MTCL1: variants seen among roughly 807,000 people sequenced by gnomAD.
MTCL1 encodes microtubule crosslinking factor 1, also known as microtubule cross-linking factor 1.
MTCL1 carries 79 observed loss-of-function variants against 141.4 expected under a neutral mutation model. The ratio of observed to expected loss-of-function variants is 0.56; its 90% confidence interval spans 0.47 to 0.67. The LOEUF is 0.67. Ranked by LOEUF, MTCL1 falls within the 30% of genes least tolerant of loss-of-function variation. MTCL1 has a pLI of 0.00. For synonymous variants in MTCL1, 914 were observed against 875.8 expected (o/e 1.04, Z -0.77); for missense variants, 2,177 against 2,113.9 (o/e 1.03, Z -0.59).
At position 8,826,224 on chromosome 18, in the gene MTCL1, C is replaced by T. The variant is rs1429454775; in HGVS notation, c.4714C>T (p.Pro1572Ser). Residue 1572 changes from proline (P) to serine (S), a missense_variant, in exon 15 of 17, where the codon CCC (proline) becomes TCC (serine). Coordinates refer to ENST00000359865, the Ensembl canonical transcript of MTCL1. ...GCTGGGGGACACAGCCGAGCCAGGG[C>T]CCATGGAGGTAATGAATGCTGAGTG... 2 of 1,594,860 alleles carry T rather than the reference C, an allele frequency of 1.3e-6. No homozygotes were observed. Among genetic ancestry groups the T allele is most frequent in the Admixed American group, 3.4e-5 (2 of 58,136 alleles).
At chr18:8,797,831 A>G (rs2075978926) in intron 9 of MTCL1, among the ~76,000 whole-genome samples, 1 of 152,248 alleles carries the variant, frequency 6.6e-6, no homozygotes, top group African/African-American at 2.4e-5. Context: ...ATAAAACCAT[A>G]GCTATTAGCA....
intron 12 of MTCL1, 39 bp from the exon 12 acceptor site, chr18:8,818,924 A>G: frequency 6.3e-7 from 1 of 1,577,582 alleles, no homozygotes; most frequent in Non-Finnish European, 8.6e-7. Context: ...ATCAGACAGA[A>G]AAGTGAGGCT....
chr18:8,738,359 A>G (rs896557470), intron 4 of MTCL1, among the ~76,000 whole-genome samples: 3 of 152,098 alleles, frequency 2.0e-5, no homozygotes, highest in African/African-American at 7.2e-5. Flanking sequence ...GTGGTGGGAA[A>G]CTCATGAGTA....
At chr18:8,829,236 C>T in intron 16 of MTCL1, 3 of 985,402 alleles carry the variant, frequency 3.0e-6, no homozygotes, top group African/African-American at 1.7e-5. Flanking sequence ...ACATTTGCAG[C>T]CAATATGCTT....
rs534313426 is a variant in MTCL1 at position 8,810,634 on chromosome 18, T to C, written c.2605-2345T>C. 6.6e-6 allele frequency among the ~76,000 whole-genome samples: 1 copy of C among 152,306 alleles called. No individual in the cohort carries two copies. The highest frequency in any genetic ancestry group is 2.1e-4 in the South Asian group (1 of 4,810). ...GGGCTCAGCAGCCTGTCTTTCATTC[T>C]GGGTTACGTGGACTTCCAGCAGCTC... is the stretch of plus-strand genomic sequence containing the variant. On this transcript the variant is annotated intron_variant, in intron 11 of 16. Coordinates refer to ENST00000359865, the Ensembl canonical transcript of MTCL1. The surrounding 1 kb of genome is among the most constrained non-coding windows in gnomAD (Gnocchi z 5.0).
intron 4 of MTCL1, among the ~76,000 whole-genome samples, chr18:8,737,603 C>G (rs977945219): frequency 8.5e-5 from 13 of 152,190 alleles, no homozygotes; most frequent in African/African-American, 2.7e-4. Flanking sequence ...CGAGGGCAGC[C>G]AGGCATCTGG....
intron 4 of MTCL1, among the ~76,000 whole-genome samples, chr18:8,726,532 TGCGCATGCGCGCGC>T (rs2096215749): frequency 1.3e-5 from 1 of 74,808 alleles, no homozygotes; most frequent in Non-Finnish European, 2.8e-5. Context: ...AGAGAGCGAG[TGCGCATGCGCGCGC>T]GCAACAAGCA....
intron 4 of MTCL1, among the ~76,000 whole-genome samples, chr18:8,745,359 T>TA (rs1283755195): frequency 6.6e-6 from 1 of 152,198 alleles, no homozygotes; most frequent in Non-Finnish European, 1.5e-5. Flanking sequence ...TAGTTTTCCT[T>TA]ATTTTTGAAT....
At chr18:8,831,054 G>A in intron 16 of MTCL1, 1 of 985,626 alleles carries the variant, frequency 1.0e-6, no homozygotes, top group Non-Finnish European at 1.2e-6. Flanking sequence ...GCCATGTTGT[G>A]GGAGTTTGTT....
chr18:8,784,140 T>G, exon 6 of MTCL1: 1 of 1,613,708 alleles, frequency 6.2e-7, no homozygotes, highest in South Asian at 1.1e-5. Context: ...TCAGCCAGGC[T>G]GCAGATCAGC....
At chr18:8,781,908 G>C (rs764270162) in intron 5 of MTCL1, among the ~76,000 whole-genome samples, 2 of 152,196 alleles carry the variant, frequency 1.3e-5, no homozygotes, top group African/African-American at 2.4e-5. Flanking sequence ...CGCACAGATA[G>C]CGCCAGGGCA....
At chr18:8,726,262 G>T (rs1276220365) in intron 4 of MTCL1, among the ~76,000 whole-genome samples, 1 of 144,316 alleles carries the variant, frequency 6.9e-6, no homozygotes, top group East Asian at 2.0e-4. Flanking sequence ...GTATTGGCTT[G>T]GGATAGCTTT....
intron 12 of MTCL1, among the ~76,000 whole-genome samples, chr18:8,817,232 G>A: frequency 7.0e-6 from 1 of 143,252 alleles, no homozygotes; most frequent in African/African-American, 2.6e-5. Context: ...TGCATTAAAT[G>A]AACATATAAA....
At chr18:8,741,275 C>T (rs1214086178) in intron 4 of MTCL1, among the ~76,000 whole-genome samples, 2 of 152,198 alleles carry the variant, frequency 1.3e-5, no homozygotes, top group Admixed American at 6.5e-5. Context: ...TGTCTGGCTG[C>T]CTGGCTGTCC....
intron 4 of MTCL1, among the ~76,000 whole-genome samples, chr18:8,726,286 C>CTTTTTTTTT (rs77665680): frequency 1.8e-4 from 18 of 102,258 alleles, no homozygotes; most frequent in South Asian, 3.4e-4. Flanking sequence ...TTCTTTTTTT[C>CTTTTTTTTT]TTTTTTTTTT....
chr18:8,802,166 G>A (rs937772560), intron 10 of MTCL1: 3 of 152,230 alleles, frequency 2.0e-5, no homozygotes, highest in African/African-American at 7.2e-5. Flanking sequence ...TGGTGGAGGA[G>A]TTGCCTGTGT....
At chr18:8,825,243 C>T (rs1355606220) in exon 15 of MTCL1, 8 of 1,595,712 alleles carry the variant, frequency 5.0e-6, no homozygotes, top group East Asian at 2.2e-5. Flanking sequence ...CTCCCCCAGG[C>T]ACTCCCGGGA....
chr18:8,819,345 T>A, intron 13 of MTCL1, 86 bp downstream of exon 12: 1 of 1,431,350 alleles, frequency 7.0e-7, no homozygotes, highest in Non-Finnish European at 9.5e-7. Flanking sequence ...CAGATTCCTC[T>A]CCTGGCAGGC....
chr18:8,777,048 C>T (rs1598608539), intron 4 of MTCL1, among the ~76,000 whole-genome samples: 1 of 152,168 alleles, frequency 6.6e-6, no homozygotes, highest in South Asian at 2.1e-4. Context: ...TCCTGGCTAA[C>T]ACGGTGAAAC....
Sources: allele counts gnomAD v4.1 joint callset (sites outside exome capture counted in the v4.1 genomes callset), GRCh38; gene constraint gnomAD v4.1.1; non-coding constraint Gnocchi (gnomAD v3.1); transcripts MANE v1.5; gene names NCBI Gene and HGNC (gene_info 2026-07-23, HGNC 2026-07-21).